VIRMA: variants seen among roughly 807,000 people sequenced by gnomAD.
The protein encoded by VIRMA is vir like m6A methyltransferase associated, also known as protein virilizer homolog.
A neutral mutation model predicts 182.4 loss-of-function variants in VIRMA; 65 were observed. The observed-to-expected ratio is 0.36, with a 90% CI of 0.29 to 0.44. VIRMA has a LOEUF of 0.44. Ranked by LOEUF, VIRMA falls within the 20% of genes least tolerant of loss-of-function variation. The pLI, the probability that VIRMA is intolerant of heterozygous loss-of-function variation, is 1.00. For missense variants in VIRMA, 1,752 were observed against 2,158.1 expected (o/e 0.81, Z 3.73); for synonymous variants, 709 against 743.1 (o/e 0.95, Z 0.75).
intron 1 of VIRMA, 31 bp from the exon 2 acceptor site, chr8:94,543,973 G>A (rs1318127825): frequency 2.7e-6 from 3 of 1,116,262 alleles, no homozygotes; most frequent in East Asian, 2.4e-5. Context: ...GAGGGGGAGG[G>A]GTTCGGAACA....
At position 94,491,569 on chromosome 8, in the gene VIRMA, A is replaced by G; in HGVS notation, c.5140+9T>C. 1.2e-6 allele frequency: 2 copies of G among 1,601,788 alleles called. No individual in the cohort carries two copies. The highest frequency in any genetic ancestry group is 1.1e-5 in the South Asian group (1 of 90,494). On this transcript the variant is annotated intron_variant, in intron 22 of 23. Coordinates refer to ENST00000297591, the MANE Select transcript of VIRMA (RefSeq NM_015496.5). ...CTAACCCATTAGAAAATACATACTAATTAGTTACCTTTTGAAGCAGGTGGT... is the reference window on the plus strand; with the variant it reads ...CTAACCCATTAGAAAATACATACTAGTTAGTTACCTTTTGAAGCAGGTGGT...
At chr8:94,543,741 A>C (rs1815659224) in intron 2 of VIRMA, 86 bp downstream of exon 2, 3 of 757,890 alleles carry the variant, frequency 4.0e-6, no homozygotes, top group Non-Finnish European at 4.5e-6. Flanking sequence ...CACTTGTAAA[A>C]TATTCCCTTA....
In VIRMA at chr8:94,509,718, G is replaced by A; in HGVS notation, c.3849C>T (p.Val1283=). The change falls in exon 15 of 24, where the codon GTC becomes GTT. Residue 1283 remains valine (V), a synonymous_variant. Transcript: ENST00000297591. Reference sequence around the variant, plus strand: ...CACAGAGAGACTGCAAAATGGATGTGACATATTCAACACACTGTTGGCGAA... The same window carrying A: ...CACAGAGAGACTGCAAAATGGATGTAACATATTCAACACACTGTTGGCGAA... ...SVIRQQCVEY[V]TSILQSLCDQ... 1 of 1,613,646 alleles carries A rather than the reference G, an allele frequency of 6.2e-7. No homozygotes were observed. The highest frequency in any genetic ancestry group is 8.5e-7 in the Non-Finnish European group (1 of 1,179,886).
At position 94,511,387 on chromosome 8, in the gene VIRMA, T is replaced by G. The variant is rs1343880960; in HGVS notation, c.3188A>C (p.Asp1063Ala). 7 of 1,613,894 alleles carry G rather than the reference T, an allele frequency of 4.3e-6. No homozygotes were observed. In the Admixed American group the frequency reaches 5.0e-5, roughly 12 times the overall value. ...LDSDEQKIQN[D>A]IIDILLTFTQ... ...AAAAGTCAGTAAAATATCAATGATATCATTCTGAATTTTCTGTTCATCACT... is the reference window on the plus strand; with the variant it reads ...AAAAGTCAGTAAAATATCAATGATAGCATTCTGAATTTTCTGTTCATCACT... The change falls in exon 13 of 24, where the codon GAT (aspartate) becomes GCT (alanine). Residue 1063 changes from aspartate to alanine, a missense_variant. Transcript: ENST00000297591.
intron 21 of VIRMA, among the ~76,000 whole-genome samples, chr8:94,492,371 C>T (rs565557985): frequency 4.2e-4 from 64 of 151,556 alleles, no homozygotes; most frequent in Non-Finnish European, 8.2e-4. Context: ...GCAATCTCCA[C>T]CTCCCGGGTT....
At chr8:94,518,783 A>G (rs879542784) in intron 9 of VIRMA, among the ~76,000 whole-genome samples, 1 of 152,230 alleles carries the variant, frequency 6.6e-6, no homozygotes, top group Non-Finnish European at 1.5e-5. Flanking sequence ...GGAAGGTGCT[A>G]AAGAGTCCAC....
rs1814159950 is a variant in VIRMA at position 94,506,557 on chromosome 8, CAT to C, written c.4038_4039del (p.Val1348GlnfsTer10). 1.2e-6 allele frequency: 2 copies of C among 1,613,498 alleles called. No individual in the cohort carries two copies. Among genetic ancestry groups the C allele is most frequent in the African/African-American group, 1.3e-5 (1 of 75,002 alleles). Reference sequence around the variant, plus strand: ...TGCAAGAAACATCATTGTTCTGACACATGTCAGTAAACAGTTGTAACTGCTCT... The same window carrying C: ...TGCAAGAAACATCATTGTTCTGACACGTCAGTAAACAGTTGTAACTGCTCT... On this transcript the variant is annotated frameshift_variant, in exon 16 of 24. Coordinates refer to ENST00000297591, the MANE Select transcript of VIRMA (RefSeq NM_015496.5). LOFTEE classifies it high-confidence loss of function.
intron 17 of VIRMA, 125 bp downstream of exon 17, chr8:94,499,249 C>A (rs999987479): frequency 1.7e-6 from 1 of 598,304 alleles, no homozygotes; most frequent in Non-Finnish European, 2.7e-6. Context: ...GATCCTCCCA[C>A]CTCAGCCCAC....
chr8:94,495,234 G>GC (rs1813731957), intron 19 of VIRMA, among the ~76,000 whole-genome samples: 1 of 152,078 alleles, frequency 6.6e-6, no homozygotes, highest in Non-Finnish European at 1.5e-5. Flanking sequence ...AAACTCCTGA[G>GC]CTCAAGCTAT....
rs1373733709 is a variant in VIRMA at position 94,510,409 on chromosome 8, G to A, written c.3626+8C>T. ...GAGGAAAAAATTTTTAATGCAAAAT[G>A]AAAATACCTTTGCAAGTCTTCTACA... is the stretch of plus-strand genomic sequence containing the variant. On this transcript the variant is annotated splice_region_variant and intron_variant, in intron 14 of 23. Transcript: ENST00000297591. 6 of 1,599,608 alleles carry A rather than the reference G, an allele frequency of 3.8e-6. 1 individual carries two copies. The African/African-American group carries it at 8.0e-5, about 21-fold the overall frequency.
At chr8:94,546,746 A>G (rs1392657711) in intron 1 of VIRMA, 5 of 347,734 alleles carry the variant, frequency 1.4e-5, no homozygotes, top group African/African-American at 6.8e-5. Context: ...CCTAAAGTCC[A>G]TTGTATCATT....
intron 8 of VIRMA, among the ~76,000 whole-genome samples, chr8:94,523,685 G>A (rs1368707145): frequency 6.6e-6 from 1 of 152,014 alleles, no homozygotes; most frequent in Non-Finnish European, 1.5e-5. Flanking sequence ...CAGGAGTGCA[G>A]TGGCACGATC....
At chr8:94,504,514 T>G (rs570031996) in intron 16 of VIRMA, among the ~76,000 whole-genome samples, 4 of 152,220 alleles carry the variant, frequency 2.6e-5, no homozygotes, top group Non-Finnish European at 5.9e-5. Context: ...TATAGAGAGT[T>G]TGGATTTTAA....
At chr8:94,546,054 C>T (rs1458445059) in intron 1 of VIRMA, among the ~76,000 whole-genome samples, 2 of 123,440 alleles carry the variant, frequency 1.6e-5, no homozygotes, top group African/African-American at 6.9e-5. Context: ...GAGACTCTGT[C>T]AAAAAAAAAA....
intron 13 of VIRMA, chr8:94,510,866 T>C: frequency 1.2e-6 from 1 of 849,384 alleles, no homozygotes; most frequent in South Asian, 2.0e-5. Flanking sequence ...CAGAGTCCAT[T>C]GGTGAAGCAA....
chr8:94,550,939 G>A (rs1238623896), intron 1 of VIRMA, among the ~76,000 whole-genome samples: 1 of 151,492 alleles, frequency 6.6e-6, no homozygotes, highest in East Asian at 2.0e-4. Context: ...GGCTGGTGTC[G>A]AACTCCTGAC....
At chr8:94,550,571 C>A (rs939088080) in intron 1 of VIRMA, among the ~76,000 whole-genome samples, 2 of 152,176 alleles carry the variant, frequency 1.3e-5, no homozygotes, top group Non-Finnish European at 2.9e-5. Flanking sequence ...GGATTACAGG[C>A]ATGAGCCACG....
At chr8:94,538,608 A>AT (rs1008260146) in intron 2 of VIRMA, among the ~76,000 whole-genome samples, 19 of 150,780 alleles carry the variant, frequency 1.3e-4, no homozygotes, top group Admixed American at 2.0e-4. Flanking sequence ...ATCACTATTC[A>AT]TTTTTTTTTG....
At chr8:94,517,299 T>C (rs1054414882) in intron 10 of VIRMA, among the ~76,000 whole-genome samples, 6 of 152,106 alleles carry the variant, frequency 3.9e-5, no homozygotes, top group African/African-American at 1.2e-4. Flanking sequence ...ACCTCCCAGG[T>C]TCAAGCAATT....
Sources: gnomAD v4.1 joint callset for allele counts (sites outside exome capture counted in the v4.1 genomes callset) on GRCh38, gnomAD v4.1.1 for gene constraint, MANE v1.5 for transcripts, NCBI Gene and HGNC (gene_info 2026-07-23, HGNC 2026-07-21) for gene names.